The following RIPOR2 variants were observed in gnomAD, a reference collection of about 807,000 sequenced individuals.
RIPOR2 encodes the protein rho family-interacting cell polarization regulator 2.
A neutral mutation model predicts 114.5 loss-of-function variants in RIPOR2; 39 were observed. The ratio of observed to expected loss-of-function variants is 0.34; its 90% CI spans 0.26 to 0.44. The LOEUF (loss-of-function observed/expected upper bound fraction) is 0.44. RIPOR2 is among the 20% of genes least tolerant of loss of function. The pLI, the probability that RIPOR2 is intolerant of heterozygous loss-of-function variation, is 1.00. For synonymous variants in RIPOR2, 445 were observed against 484.4 expected (o/e 0.92, Z 1.07); for missense variants, 1,007 against 1,255.1 (o/e 0.80, Z 2.99).
At chr6:24,978,640 T>G (rs759132948) in intron 1 of RIPOR2, among the ~76,000 whole-genome samples, 45 of 152,308 alleles carry the variant, frequency 3.0e-4, no homozygotes, top group Admixed American at 1.0e-3. Flanking sequence ...TCATGGTGAA[T>G]GGAGGTTGGG....
intron 1 of RIPOR2, among the ~76,000 whole-genome samples, chr6:24,953,738 T>C (rs1772892782): frequency 6.6e-6 from 1 of 152,220 alleles, no homozygotes; most frequent in Non-Finnish European, 1.5e-5. Flanking sequence ...AAGAAGAATC[T>C]GAACAGTCTT....
chr6:25,019,598 A>T (rs1581961658), intron 1 of RIPOR2, among the ~76,000 whole-genome samples: 1 of 146,758 alleles, frequency 6.8e-6, no homozygotes, highest in Non-Finnish European at 1.5e-5. Flanking sequence ...TAAAAAAAAA[A>T]CCCCTCTCTA....
chr6:24,841,627 T>C (rs1338765169), intron 13 of RIPOR2, among the ~76,000 whole-genome samples: 1 of 151,794 alleles, frequency 6.6e-6, no homozygotes, highest in Non-Finnish European at 1.5e-5. Context: ...ATTTTTTTTT[T>C]TTTTTTTTGA....
intron 9 of RIPOR2, among the ~76,000 whole-genome samples, chr6:24,852,028 C>CG (rs796795444): frequency 0.016 from 148 of 9,186 alleles, 1 homozygote; most frequent in African/African-American, 0.023. Context: ...GAAGGGTGGG[C>CG]GGGGGGGAAT....
At chr6:24,828,363 AATTTTTATTTTT>A (rs1158811960) in intron 17 of RIPOR2, 68 bp from the exon 18 acceptor site, 1 of 1,078,550 alleles carries the variant, frequency 9.3e-7, no homozygotes, top group Admixed American at 4.2e-5. Context: ...TTCATTCAAT[AATTTTTATTTTT>A]ATTTTTATTT....
chr6:24,904,693 G>A (rs1768793018), intron 1 of RIPOR2, among the ~76,000 whole-genome samples: 1 of 152,212 alleles, frequency 6.6e-6, no homozygotes, highest in South Asian at 2.1e-4. Context: ...TGCTTTTTCT[G>A]TAGTGGCTTC....
chr6:24,915,225 C>T (rs1050861831), intron 1 of RIPOR2, among the ~76,000 whole-genome samples: 1 of 152,300 alleles, frequency 6.6e-6, no homozygotes, highest in East Asian at 1.9e-4. Flanking sequence ...CAAAATATGG[C>T]TTGGAATGCT....
intron 12 of RIPOR2, among the ~76,000 whole-genome samples, chr6:24,846,301 CTTTTTTTTTTT>C (rs1233193249): frequency 2.2e-5 from 2 of 91,720 alleles, no homozygotes; most frequent in Admixed American, 3.0e-4. Context: ...TTTCACCTGC[CTTTTTTTTTTT>C]TTTTTTTTTT....
chr6:25,000,926 G>A lies in RIPOR2; in HGVS notation c.76+40925C>T, dbSNP rs567861175. ...AACATAATTCCTGTATATTGACCAG[G>A]CATCATTTACCACTTAAATGGAGGA... is the stretch of plus-strand genomic sequence containing the variant. On this transcript the variant is annotated intron_variant, in intron 1 of 13. Coordinates refer to the RIPOR2 transcript ENST00000510784. Among the ~76,000 whole-genome samples the A allele has an allele frequency of 1.7e-4, 26 of 152,258 alleles. No individual in the cohort carries two copies. In the South Asian group the frequency reaches 5.4e-3, roughly 32 times the overall value.
chr6:24,967,908 T>TA (rs1773600254), intron 1 of RIPOR2, among the ~76,000 whole-genome samples: 6 of 80,782 alleles, frequency 7.4e-5, no homozygotes, highest in African/African-American at 2.8e-4. Flanking sequence ...AAGATCTCAA[T>TA]CTTTTTTTTT....
intron 1 of RIPOR2, among the ~76,000 whole-genome samples, chr6:25,022,756 G>C (rs1776394590): frequency 6.6e-6 from 1 of 151,424 alleles, no homozygotes; most frequent in Admixed American, 6.6e-5. Flanking sequence ...ATGTTGTCCA[G>C]GCTGGTCTTG....
At chr6:25,003,423 T>TATTATTATTATTATTATC (rs769816451) in intron 1 of RIPOR2, among the ~76,000 whole-genome samples, 2 of 137,796 alleles carry the variant, frequency 1.5e-5, no homozygotes, top group East Asian at 2.1e-4. Context: ...TTATTATTAT[T>TATTATTATTATTATTATC]ATCATCTCCT....
chr6:25,029,380 G>C (rs1219368611), intron 1 of RIPOR2, among the ~76,000 whole-genome samples: 1 of 130,150 alleles, frequency 7.7e-6, no homozygotes, highest in East Asian at 2.1e-4. Flanking sequence ...ACTCCAACCT[G>C]GACGACAGAG....
intron 21 of RIPOR2, 125 bp from the exon 22 acceptor site, chr6:24,806,598 G>A (rs1780787574): frequency 1.5e-6 from 1 of 646,184 alleles, no homozygotes; most frequent in African/African-American, 1.9e-5. Context: ...TTTTGGTAAG[G>A]AAAAGTTATC....
At chr6:25,015,815 A>T (rs1235466051) in intron 1 of RIPOR2, 1 of 147,668 alleles carries the variant, frequency 6.8e-6, no homozygotes, top group Admixed American at 6.8e-5. Context: ...GTGGAGAAGG[A>T]GGAGGAGGTC....
At chr6:24,830,427 G>T in intron 17 of RIPOR2, 82 bp downstream of exon 17, 1 of 1,164,562 alleles carries the variant, frequency 8.6e-7, no homozygotes, top group Non-Finnish European at 1.2e-6. Context: ...AGTGGTAGGA[G>T]GACCCCTCTC....
chr6:24,919,764 TTCACAG>T (rs1220450983), intron 1 of RIPOR2, among the ~76,000 whole-genome samples: 16 of 152,346 alleles, frequency 1.1e-4, no homozygotes, highest in Admixed American at 4.6e-4. Flanking sequence ...GGGGTTTGCA[TTCACAG>T]AGGAATTCAA....
chr6:24,995,329 G>A (rs1014775761), intron 1 of RIPOR2, among the ~76,000 whole-genome samples: 1 of 152,168 alleles, frequency 6.6e-6, no homozygotes, highest in African/African-American at 2.4e-5. Flanking sequence ...TGTCTCAAAG[G>A]GTCCATCAGG....
chr6:24,932,065 T>C (rs928351194), intron 1 of RIPOR2: 7 of 152,296 alleles, frequency 4.6e-5, no homozygotes, highest in African/African-American at 1.7e-4. Context: ...TTACCATTAT[T>C]ACCCATCCAG....
Sources: gnomAD v4.1 joint callset for allele counts (sites outside exome capture counted in the v4.1 genomes callset) on GRCh38, gnomAD v4.1.1 for gene constraint, MANE v1.5 for transcripts, NCBI Gene and HGNC (gene_info 2026-07-23, HGNC 2026-07-21) for gene names.